ITGA4: variants seen among roughly 807,000 people sequenced by gnomAD.
ITGA4 encodes the protein integrin subunit alpha 4.
A neutral mutation model predicts 133.6 loss-of-function variants in ITGA4; 63 were observed. The ratio of observed to expected loss-of-function variants is 0.47; its 90% confidence interval spans 0.38 to 0.58. The LOEUF is 0.58. ITGA4 is among the 20% of genes least tolerant of loss of function. The pLI, the probability that ITGA4 is intolerant of heterozygous loss-of-function variation, is 0.00. For missense variants in ITGA4, 1,076 were observed against 1,252.7 expected, an observed-to-expected ratio of 0.86 and a Z score of 2.13; for synonymous variants, 483 against 438.0, an observed-to-expected ratio of 1.10 and a Z score of -1.28.
rs1559065519 is a variant in ITGA4 at position 181,538,063 on chromosome 2, G to GAAAAATCA, written c.*2536_*2537insAAAAATCA. On this transcript the variant is annotated 3_prime_UTR_variant, in exon 28 of 28. Transcript: ENST00000397033. ...ATCCTGAAACCATTCCCCCATCCAC[G>GAAAAATCA]GAAAAATTGTCTTCCATGAAACTGG... 2.2e-4 allele frequency: 158 copies of GAAAAATCA among 717,142 alleles called. 1 individual carries two copies. The East Asian group carries it at 4.3e-3, about 19-fold the overall frequency. 44.4% of individuals were successfully genotyped at this position (717,142 alleles called of 1,614,324 possible). A position where few individuals can be genotyped will look rare whatever the true frequency, so the allele number is the denominator to read the frequency against.
intron 10 of ITGA4, among the ~76,000 whole-genome samples, chr2:181,492,058 T>TA (rs1686058928): frequency 6.6e-6 from 1 of 152,238 alleles, no homozygotes; most frequent in African/African-American, 2.4e-5. Context: ...AGTCTATTCT[T>TA]ACTTGCCATT....
chr2:181,518,584 A>C (rs548292795), intron 17 of ITGA4, among the ~76,000 whole-genome samples: 2 of 151,902 alleles, frequency 1.3e-5, no homozygotes, highest in South Asian at 4.2e-4. Flanking sequence ...AAGAGCCTGC[A>C]TTTTTTTCTG....
chr2:181,535,702 T>C lies in ITGA4; in HGVS notation c.*175T>C, dbSNP rs1389640918. The C allele has an allele frequency of 2.8e-6, 2 of 705,642 alleles. No individual in the cohort carries two copies. Among genetic ancestry groups the C allele is most frequent in the Non-Finnish European group, 4.3e-6 (2 of 465,352 alleles). 43.7% of individuals were successfully genotyped at this position (705,642 alleles called of 1,614,324 possible). ...TCTCAGCAATGATTACTCTTTGAGA[T>C]AGAAGAACTGCAAAGGTAATAATAC... On this transcript the variant is annotated 3_prime_UTR_variant, in exon 28 of 28. Transcript: ENST00000397033.
intron 15 of ITGA4, among the ~76,000 whole-genome samples, chr2:181,506,815 T>G (rs1474323118): frequency 6.6e-6 from 1 of 152,114 alleles, no homozygotes; most frequent in African/African-American, 2.4e-5. Context: ...CAGTAATGTT[T>G]AAGCCATATT....
chr2:181,469,134 T>C (rs1685487606), intron 2 of ITGA4, among the ~76,000 whole-genome samples: 1 of 152,222 alleles, frequency 6.6e-6, no homozygotes, highest in Non-Finnish European at 1.5e-5. Flanking sequence ...TTAGCTCTCA[T>C]GGCAGTTCTA....
intron 23 of ITGA4, among the ~76,000 whole-genome samples, chr2:181,530,253 G>C (rs1010196544): frequency 6.6e-6 from 1 of 152,198 alleles, no homozygotes; most frequent in African/African-American, 2.4e-5. Flanking sequence ...TCATGCTAAT[G>C]TTCCAATATC....
chr2:181,485,755 C>A, intron 9 of ITGA4, 126 bp from the exon 10 acceptor site: 1 of 706,390 alleles, frequency 1.4e-6, no homozygotes, highest in Non-Finnish European at 2.4e-6. Context: ...TGTACTAAAG[C>A]TCAGTCTGTA....
chr2:181,501,579 A>C lies in ITGA4; in HGVS notation c.1695+2802A>C, dbSNP rs529961971. Among the ~76,000 whole-genome samples the C allele has an allele frequency of 1.1e-4, 16 of 152,310 alleles. No individual in the cohort carries two copies. The East Asian group carries it at 3.1e-3, about 29-fold the overall frequency. On this transcript the variant is annotated intron_variant, in intron 15 of 27. Coordinates refer to ENST00000397033, the MANE Select transcript of ITGA4 (RefSeq NM_000885.6). ...GCAACACAGGTGAGAGGATGGTTCC[A>C]ACAAAAGTGGTGGCAGTGGATATGG...
chr2:181,535,818 G>T lies in ITGA4; in HGVS notation c.*291G>T. On this transcript the variant is annotated 3_prime_UTR_variant, in exon 28 of 28. Coordinates refer to ENST00000397033, the MANE Select transcript of ITGA4 (RefSeq NM_000885.6). ...AAAAGTAAGCCCTTGAAGATATCTTGAAATGAAAGTATAACTGAGTTAAAT... is the reference window on the plus strand; with the variant it reads ...AAAAGTAAGCCCTTGAAGATATCTTTAAATGAAAGTATAACTGAGTTAAAT... 4.7e-6 allele frequency: 1 copy of T among 214,754 alleles called. No individual in the cohort carries two copies. The allele number at this position is 214,754 out of a possible 1,614,324, so 13.3% of individuals were successfully genotyped here. A position where few individuals can be genotyped will look rare whatever the true frequency, so the allele number is the denominator to read the frequency against.
At chr2:181,498,485 C>T (rs1288014482) in intron 14 of ITGA4, 138 bp from the exon 15 acceptor site, 5 of 451,814 alleles carry the variant, frequency 1.1e-5, no homozygotes, top group Non-Finnish European at 1.9e-5. Context: ...TCAGGTTAGT[C>T]TTTAAAAAGC....
chr2:181,516,110 T>C lies in ITGA4; in HGVS notation c.1922+4335T>C, dbSNP rs540561583. ...AAAATAAAGATGAACCAACACGACT[T>C]CAAGATTACAAATATAATAGAAGGT... On this transcript the variant is annotated intron_variant, in intron 17 of 27. Coordinates refer to ENST00000397033, the MANE Select transcript of ITGA4 (RefSeq NM_000885.6). This position sits in a 1 kb window ranked among gnomAD's most constrained non-coding sequence, Gnocchi z 4.0. 6.6e-6 allele frequency among the ~76,000 whole-genome samples: 1 copy of C among 152,090 alleles called. No homozygotes were observed. The highest frequency in any genetic ancestry group is 2.4e-5 in the African/African-American group (1 of 41,522).
intron 14 of ITGA4, 125 bp from the exon 15 acceptor site, chr2:181,498,498 T>C (rs1686203217): frequency 8.0e-6 from 4 of 500,628 alleles, no homozygotes; most frequent in Non-Finnish European, 1.4e-5. Flanking sequence ...TAAAAAGCTG[T>C]TTAATAAAGA....
intron 6 of ITGA4, among the ~76,000 whole-genome samples, chr2:181,481,173 G>T (rs1685793600): frequency 6.6e-6 from 1 of 152,050 alleles, no homozygotes. Flanking sequence ...CATAAAATAC[G>T]AACAATTTTT....
chr2:181,515,996 C>T (rs1335242026), intron 17 of ITGA4, among the ~76,000 whole-genome samples: 1 of 19,042 alleles, frequency 5.3e-5, no homozygotes, highest in Non-Finnish European at 1.4e-4. Context: ...AGTGCTTATC[C>T]ACTCTCTCTC....
chr2:181,460,783 G>A (rs1685257727), intron 2 of ITGA4, among the ~76,000 whole-genome samples: 1 of 151,784 alleles, frequency 6.6e-6, no homozygotes, highest in African/African-American at 2.4e-5. Context: ...AGGTTAATAG[G>A]GACAATTGAT....
At chr2:181,497,704 A>G (rs939496356) in intron 14 of ITGA4, among the ~76,000 whole-genome samples, 1 of 152,186 alleles carries the variant, frequency 6.6e-6, no homozygotes, top group Non-Finnish European at 1.5e-5. Context: ...CAAGAATTAC[A>G]TAAATTCTTT....
intron 4 of ITGA4, chr2:181,475,694 C>G (rs1017081316): frequency 8.2e-7 from 1 of 1,217,406 alleles, no homozygotes; most frequent in South Asian, 1.8e-5. Flanking sequence ...GAAGAATAAT[C>G]AGTGTAAGCA....
intron 2 of ITGA4, 79 bp downstream of exon 2, chr2:181,458,396 G>C (rs1191548811): frequency 3.7e-5 from 57 of 1,520,854 alleles, no homozygotes; most frequent in Non-Finnish European, 2.7e-6. Flanking sequence ...GTCCTGGAAA[G>C]ATTCACGTTG....
chr2:181,482,593 C>T lies in ITGA4; in HGVS notation c.983C>T (p.Pro328Leu). The change falls in exon 9 of 28, where the codon CCC (proline) becomes CTC (leucine). Residue 328 changes from proline (P) to leucine (L), a missense_variant. This residue lies in a region of ITGA4 where 436 missense variants were observed against 590.7 expected (regional missense o/e 0.74). Coordinates refer to ENST00000397033, the MANE Select transcript of ITGA4 (RefSeq NM_000885.6). ...TTCTCAGATCTGCTCGTGGGAGCAC[C>T]CATGCAGAGCACCATCAGAGAGGAA... ...DGFSDLLVGA[P>L]MQSTIREEGR... is the part of the protein sequence containing the mutation. The T allele has an allele frequency of 6.2e-7, 1 of 1,613,616 alleles. No homozygotes were observed. Among genetic ancestry groups the T allele is most frequent in the Non-Finnish European group, 8.5e-7 (1 of 1,179,692 alleles).
Sources: gnomAD v4.1 joint callset for allele counts (sites outside exome capture counted in the v4.1 genomes callset) on GRCh38, gnomAD v4.1.1 for gene constraint, gnomAD v4.1.1 regional missense constraint, Gnocchi (gnomAD v3.1) non-coding constraint, MANE v1.5 for transcripts, NCBI Gene and HGNC (gene_info 2026-07-23, HGNC 2026-07-21) for gene names.